The following IGFL2 variants were observed in gnomAD, a reference collection of about 807,000 sequenced individuals.
The protein encoded by IGFL2 is insulin growth factor-like family member 2.
A neutral mutation model predicts 13.9 loss-of-function variants in IGFL2; 7 were observed. The ratio of observed to expected loss-of-function variants is 0.51; its 90% confidence interval spans 0.29 to 0.95. The LOEUF is 0.95. Among genes scored for constraint, IGFL2 ranks in the 40% least tolerant of loss-of-function variants. The probability of loss-of-function intolerance (pLI) is 0.08; values close to 1 mark genes in which losing one functional copy is unlikely to be tolerated. For synonymous variants in IGFL2, 55 were observed against 55.8 expected (o/e 0.99, Z 0.07); for missense variants, 138 against 147.8 (o/e 0.93, Z 0.34).
chr19:46,153,311 C>T (rs999418290), intron 1 of IGFL2, among the ~76,000 whole-genome samples: 1 of 152,074 alleles, frequency 6.6e-6, no homozygotes, highest in Non-Finnish European at 1.5e-5. Context: ...TGGGTATTCC[C>T]CTTTCTCTGC....
the IGFL2 span, among the ~76,000 whole-genome samples, chr19:46,193,677 T>C: frequency 3.0e-4 from 46 of 152,280 alleles, no homozygotes; most frequent in East Asian, 8.5e-3. Context: ...TGCACTAGCT[T>C]TGTGTCCTAC....
chr19:46,079,821 A>G, the IGFL2 span, among the ~76,000 whole-genome samples: 1 of 152,138 alleles, frequency 6.6e-6, no homozygotes, highest in African/African-American at 2.4e-5. Context: ...GCCTTCCCTC[A>G]AGGAAAGAGT....
At chr19:46,191,737 C>T in the IGFL2 span, among the ~76,000 whole-genome samples, 19 of 152,114 alleles carry the variant, frequency 1.2e-4, no homozygotes, top group East Asian at 1.4e-3. Flanking sequence ...ATGAGCAAAC[C>T]GGCTTCTCAT....
At chr19:46,132,800 C>T in the IGFL2 span, among the ~76,000 whole-genome samples, 1 of 152,048 alleles carries the variant, frequency 6.6e-6, no homozygotes, top group African/African-American at 2.4e-5. Flanking sequence ...TTTCTTGGGA[C>T]TGGAACCCAA....
upstream of IGFL2, among the ~76,000 whole-genome samples, chr19:46,140,578 T>TC (rs1479136631): frequency 1.3e-5 from 2 of 152,132 alleles, no homozygotes; most frequent in African/African-American, 2.4e-5. Context: ...AACTCATCGC[T>TC]CCATCTTAAC....
At chr19:46,144,131 C>T (rs1418824573), upstream of IGFL2, among the ~76,000 whole-genome samples, 1 of 152,212 alleles carries the variant, frequency 6.6e-6, no homozygotes, top group East Asian at 1.9e-4. Flanking sequence ...CTTCTGCAAC[C>T]ACTCAGTTCT....
chr19:46,091,787 C>T, the IGFL2 span, among the ~76,000 whole-genome samples: 1 of 152,120 alleles, frequency 6.6e-6, no homozygotes, highest in Non-Finnish European at 1.5e-5. Flanking sequence ...GAAACACAGT[C>T]ATTAGCTATG....
the IGFL2 span, among the ~76,000 whole-genome samples, chr19:46,191,037 A>T: frequency 6.6e-6 from 1 of 152,100 alleles, no homozygotes; most frequent in Non-Finnish European, 1.5e-5. Flanking sequence ...AATGGACTGG[A>T]CCTCAAAGTG....
chr19:46,164,826 C>G (rs1974322187), downstream of IGFL2, among the ~76,000 whole-genome samples: 1 of 152,212 alleles, frequency 6.6e-6, no homozygotes, highest in African/African-American at 2.4e-5. Context: ...GCAGGCCCCA[C>G]CTTGCTGTCT....
chr19:46,138,262 T>C (rs1218365437), upstream of IGFL2, among the ~76,000 whole-genome samples: 1 of 152,152 alleles, frequency 6.6e-6, no homozygotes, highest in African/African-American at 2.4e-5. Flanking sequence ...AGTCAACTGG[T>C]TTCATTTCTG....
At chr19:46,146,666 GTA>G (rs1973153133), upstream of IGFL2, among the ~76,000 whole-genome samples, 1 of 152,122 alleles carries the variant, frequency 6.6e-6, no homozygotes, top group East Asian at 1.9e-4. Flanking sequence ...TAGATTTACA[GTA>G]TACCAGTTCA....
chr19:46,094,355 AT>A, the IGFL2 span, among the ~76,000 whole-genome samples: 1 of 152,234 alleles, frequency 6.6e-6, no homozygotes, highest in Admixed American at 6.5e-5. Flanking sequence ...TTTTAAAAAA[AT>A]ATTTAGATTG....
At chr19:46,197,521 C>T in the IGFL2 span, among the ~76,000 whole-genome samples, 2 of 152,094 alleles carry the variant, frequency 1.3e-5, no homozygotes, top group African/African-American at 2.4e-5. Flanking sequence ...CTGCACTGTT[C>T]AGTCTCTCCC....
At chr19:46,112,551 T>C in the IGFL2 span, among the ~76,000 whole-genome samples, 1 of 152,222 alleles carries the variant, frequency 6.6e-6, no homozygotes, top group Non-Finnish European at 1.5e-5. Context: ...GCGAAACCAG[T>C]ACAGTCAGGA....
the IGFL2 span, among the ~76,000 whole-genome samples, chr19:46,126,343 A>G: frequency 6.6e-6 from 1 of 152,212 alleles, no homozygotes; most frequent in African/African-American, 2.4e-5. Flanking sequence ...AGCATTGGTC[A>G]TGCAAAGTTT....
chr19:46,124,724 G>A, the IGFL2 span: 1 of 1,304,234 alleles, frequency 7.7e-7, no homozygotes, highest in African/African-American at 1.5e-5. Flanking sequence ...CCTAAATGGG[G>A]TTGTCTGTTA....
the IGFL2 span, chr19:46,113,390 T>A: frequency 2.6e-6 from 1 of 388,766 alleles, no homozygotes; most frequent in Non-Finnish European, 5.1e-6. Context: ...CAGGAAAGGA[T>A]CAATCATGGG....
chr19:46,082,031 G>A, the IGFL2 span, among the ~76,000 whole-genome samples: 3 of 152,110 alleles, frequency 2.0e-5, no homozygotes, highest in Non-Finnish European at 4.4e-5. Context: ...CATTTTGAAG[G>A]CTATTTTAGC....
At chr19:46,138,035 G>C in the IGFL2 span, among the ~76,000 whole-genome samples, 1 of 152,138 alleles carries the variant, frequency 6.6e-6, no homozygotes, top group East Asian at 1.9e-4. Context: ...AGCCATTTCG[G>C]TCTGGTTAAG....
Sources: allele counts gnomAD v4.1 joint callset (sites outside exome capture counted in the v4.1 genomes callset), GRCh38; gene constraint gnomAD v4.1.1; transcripts MANE v1.5; gene names NCBI Gene and HGNC (gene_info 2026-07-23, HGNC 2026-07-21).